The following RPS6KC1 variants were observed in gnomAD, a reference collection of about 807,000 sequenced individuals.
RPS6KC1 encodes the protein ribosomal protein S6 kinase C1.
In RPS6KC1, 54 loss-of-function variants were observed where a neutral mutation model predicts 103.8. The ratio of observed to expected loss-of-function variants is 0.52; its 90% CI spans 0.42 to 0.65. RPS6KC1 has a LOEUF of 0.65. Among genes scored for constraint, RPS6KC1 ranks in the 30% least tolerant of loss-of-function variants. The probability of loss-of-function intolerance (pLI) is 0.00; values close to 1 mark genes in which losing one functional copy is unlikely to be tolerated. For synonymous variants in RPS6KC1, 439 were observed against 438.7 expected, an observed-to-expected ratio of 1.00 and a Z score of -0.01; for missense variants, 1,151 against 1,253.8, an observed-to-expected ratio of 0.92 and a Z score of 1.24.
At chr1:213,795,282 G>A in the RPS6KC1 span, among the ~76,000 whole-genome samples, 1 of 152,168 alleles carries the variant, frequency 6.6e-6, no homozygotes, top group Non-Finnish European at 1.5e-5. Flanking sequence ...TCTGGAATAG[G>A]ACTTTGTAAC....
At chr1:213,188,939 G>A (rs2092645621) in intron 8 of RPS6KC1, among the ~76,000 whole-genome samples, 2 of 152,102 alleles carry the variant, frequency 1.3e-5, no homozygotes, top group African/African-American at 4.8e-5. Context: ...AGAGTAAGGT[G>A]GGAGAGTCAC....
the RPS6KC1 span, among the ~76,000 whole-genome samples, chr1:213,602,027 TC>T: frequency 0.052 from 845 of 16,102 alleles, 139 homozygotes; most frequent in East Asian, 0.28. Context: ...TTTCTTTCTT[TC>T]TCTTTCTCTT....
At chr1:213,570,233 C>G in the RPS6KC1 span, among the ~76,000 whole-genome samples, 1 of 152,040 alleles carries the variant, frequency 6.6e-6, no homozygotes, top group South Asian at 2.1e-4. Flanking sequence ...TTCTCATTTA[C>G]CAAAAGGGAT....
intron 8 of RPS6KC1, among the ~76,000 whole-genome samples, chr1:213,202,706 A>G (rs2093209794): frequency 6.6e-6 from 1 of 152,216 alleles, no homozygotes. Flanking sequence ...GGTTAATTGA[A>G]TGGCTGAGTT....
chr1:213,747,234 A>T, the RPS6KC1 span, among the ~76,000 whole-genome samples: 24 of 152,238 alleles, frequency 1.6e-4, no homozygotes, highest in South Asian at 2.5e-3. Flanking sequence ...AGGTAAAGAA[A>T]CATATCACAG....
Position 213,257,786 on chromosome 1 carries a change from C to CTT in RPS6KC1, c.2912-3738_2912-3737dup, listed in dbSNP as rs71147062. On this transcript the variant is annotated intron_variant, in intron 12 of 14. Transcript: ENST00000366960. The stretch of plus-strand genomic sequence containing the variant: ...GATCTTGAATTGTAAACAGGTAAAA[C>CTT]TTTTTTTTTTTTTTTTTTTTTTTTT... 4.7e-4 allele frequency among the ~76,000 whole-genome samples: 23 copies of CTT among 49,426 alleles called. 1 individual carries two copies. Among genetic ancestry groups the CTT allele is most frequent in the African/African-American group, 6.2e-4 (8 of 12,886 alleles). 32.4% of individuals were successfully genotyped at this position (49,426 alleles called of 152,430 possible). A position where few individuals can be genotyped will look rare whatever the true frequency, so the allele number is the denominator to read the frequency against.
chr1:213,200,957 T>G (rs546917198), intron 8 of RPS6KC1, among the ~76,000 whole-genome samples: 15 of 152,166 alleles, frequency 9.9e-5, no homozygotes, highest in African/African-American at 3.1e-4. Context: ...CTACAGACAC[T>G]GGGGCCTGTC....
chr1:213,674,565 T>C, the RPS6KC1 span, among the ~76,000 whole-genome samples: 2 of 152,210 alleles, frequency 1.3e-5, no homozygotes, highest in Admixed American at 1.3e-4. Flanking sequence ...CTAGGTTGAT[T>C]CCATGACTTC....
At chr1:213,295,741 A>G in the RPS6KC1 span, among the ~76,000 whole-genome samples, 1 of 152,366 alleles carries the variant, frequency 6.6e-6, no homozygotes, top group East Asian at 1.9e-4. Context: ...TCAGGAAAAC[A>G]TTATAAGGAT....
chr1:213,733,470 C>T, the RPS6KC1 span, among the ~76,000 whole-genome samples: 9 of 151,048 alleles, frequency 6.0e-5, no homozygotes, highest in Non-Finnish European at 1.2e-4. Context: ...CTCCTGGGCT[C>T]AAGCGATCAT....
intron 3 of RPS6KC1, among the ~76,000 whole-genome samples, chr1:213,087,279 A>T (rs1029141137): frequency 6.6e-6 from 1 of 152,144 alleles, no homozygotes; most frequent in African/African-American, 2.4e-5. Context: ...ATAAATACCT[A>T]TGTCTATATC....
At chr1:213,844,351 T>G in the RPS6KC1 span, among the ~76,000 whole-genome samples, 1 of 152,230 alleles carries the variant, frequency 6.6e-6, no homozygotes, top group Non-Finnish European at 1.5e-5. Flanking sequence ...AGGCTTTTCT[T>G]TTTTGCACTG....
chr1:213,812,831 C>A, the RPS6KC1 span, among the ~76,000 whole-genome samples: 1 of 152,186 alleles, frequency 6.6e-6, no homozygotes. Context: ...ATGTGGGGAG[C>A]TAAATTCCTC....
chr1:213,488,194 C>T, the RPS6KC1 span, among the ~76,000 whole-genome samples: 1 of 152,208 alleles, frequency 6.6e-6, no homozygotes, highest in African/African-American at 2.4e-5. Flanking sequence ...AGCTGTTCAC[C>T]ATCATTCACC....
chr1:213,496,331 A>G, the RPS6KC1 span, among the ~76,000 whole-genome samples: 1 of 152,174 alleles, frequency 6.6e-6, no homozygotes, highest in Non-Finnish European at 1.5e-5. Flanking sequence ...AGACATCTGT[A>G]AAAAAAATAA....
chr1:213,560,069 T>A, the RPS6KC1 span, among the ~76,000 whole-genome samples: 11 of 152,304 alleles, frequency 7.2e-5, no homozygotes, highest in East Asian at 2.1e-3. Flanking sequence ...GCAAGCAACA[T>A]GAACATCAAC....
the RPS6KC1 span, among the ~76,000 whole-genome samples, chr1:213,337,292 T>C: frequency 6.6e-6 from 1 of 152,210 alleles, no homozygotes; most frequent in East Asian, 1.9e-4. Context: ...GCATCTGCAG[T>C]GGTGCGCTTA....
chr1:213,575,328 C>T, the RPS6KC1 span, among the ~76,000 whole-genome samples: 847 of 152,208 alleles, frequency 5.6e-3, 4 homozygotes, highest in African/African-American at 0.02. Context: ...TGGCATCCAC[C>T]AGGATGATGC....
chr1:213,416,134 G>A, the RPS6KC1 span, among the ~76,000 whole-genome samples: 4 of 152,200 alleles, frequency 2.6e-5, no homozygotes, highest in African/African-American at 9.7e-5. Flanking sequence ...AGGCTCCCAC[G>A]CATGCACCCG....
Sources: allele counts gnomAD v4.1 joint callset (sites outside exome capture counted in the v4.1 genomes callset), GRCh38; gene constraint gnomAD v4.1.1; transcripts MANE v1.5; gene names NCBI Gene and HGNC (gene_info 2026-07-23, HGNC 2026-07-21).